ITGA9: variants seen among roughly 807,000 people sequenced by gnomAD.
ITGA9 encodes integrin alpha-9.
In ITGA9, 56 loss-of-function variants were observed where a neutral mutation model predicts 127.8. That is an observed-to-expected ratio of 0.44 (90% CI 0.35 to 0.55). ITGA9 has a LOEUF of 0.55. Ranked by LOEUF, ITGA9 falls within the 20% of genes least tolerant of loss-of-function variation. ITGA9 has a pLI of 0.00. For missense variants in ITGA9, 1,196 were observed against 1,347.1 expected, an observed-to-expected ratio of 0.89 and a Z score of 1.76; for synonymous variants, 508 against 514.5, an observed-to-expected ratio of 0.99 and a Z score of 0.17.
At chr3:37,670,579 A>G (rs993820562) in intron 17 of ITGA9, among the ~76,000 whole-genome samples, 3 of 152,236 alleles carry the variant, frequency 2.0e-5, no homozygotes, top group Non-Finnish European at 2.9e-5. Flanking sequence ...TCTGTCCCAA[A>G]TAGAAATCAC....
intron 18 of ITGA9, among the ~76,000 whole-genome samples, chr3:37,730,110 CAGAGTT>C (rs1696269244): frequency 6.6e-6 from 1 of 152,164 alleles, no homozygotes; most frequent in Admixed American, 6.5e-5. Context: ...AAACTGGAAA[CAGAGTT>C]AGGTAAGCAT....
intron 23 of ITGA9, 41 bp downstream of exon 23, chr3:37,750,610 A>G: frequency 4.3e-6 from 6 of 1,410,704 alleles, no homozygotes; most frequent in Non-Finnish European, 6.0e-6. Flanking sequence ...TTCAGCTTTG[A>G]GCCAGCCCAT....
In ITGA9 at chr3:37,546,278, A is replaced by T. The variant is rs547409315; in HGVS notation, c.1689+3693A>T. The stretch of plus-strand genomic sequence containing the variant: ...ACTCCATTCATGTGTTAGAAAGGGA[A>T]ATGATCAAGTTCTAGGGAAGGCTTA... On this transcript the variant is annotated intron_variant, in intron 15 of 27. Coordinates refer to ENST00000264741, the MANE Select transcript of ITGA9 (RefSeq NM_002207.3). 3.6e-4 allele frequency among the ~76,000 whole-genome samples: 55 copies of T among 152,292 alleles called. No individual in the cohort carries two copies. The Middle Eastern group carries it at 0.01, about 28-fold the overall frequency.
At chr3:37,818,218 G>T (rs902398547) in intron 27 of ITGA9, 3 of 62,382 alleles carry the variant, frequency 4.8e-5, no homozygotes, top group African/African-American at 1.4e-4. Flanking sequence ...AAAAAAAAAA[G>T]CCACACTTCC....
At chr3:37,576,812 G>T (rs1699658495) in intron 15 of ITGA9, among the ~76,000 whole-genome samples, 1 of 152,218 alleles carries the variant, frequency 6.6e-6, no homozygotes, top group Non-Finnish European at 1.5e-5. Flanking sequence ...TCGCCATGTT[G>T]CTCAGGCTGG....
intron 26 of ITGA9, among the ~76,000 whole-genome samples, chr3:37,793,399 C>T (rs11129772): frequency 0.071 from 9,173 of 130,106 alleles, 555 homozygotes; most frequent in African/African-American, 0.18. Context: ...AACACACACA[C>T]ACACACACAC....
chr3:37,497,069 T>C (rs191762167), intron 5 of ITGA9, among the ~76,000 whole-genome samples: 70 of 152,382 alleles, frequency 4.6e-4, no homozygotes, highest in Admixed American at 3.0e-3. Context: ...TAATGTCATT[T>C]AATATCCTTT....
At chr3:37,560,136 G>T (rs1417326359) in intron 15 of ITGA9, among the ~76,000 whole-genome samples, 1 of 150,854 alleles carries the variant, frequency 6.6e-6, no homozygotes, top group African/African-American at 2.4e-5. Flanking sequence ...GGTGTGTGAT[G>T]TTCCCTGCCC....
intron 3 of ITGA9, among the ~76,000 whole-genome samples, chr3:37,477,590 CCCCTT>C: frequency 6.6e-6 from 1 of 152,184 alleles, no homozygotes; most frequent in Non-Finnish European, 1.5e-5. Flanking sequence ...TAGAGGCAAG[CCCCTT>C]CCCTTCTCAC....
At chr3:37,544,101 C>G (rs1699302968) in intron 15 of ITGA9, among the ~76,000 whole-genome samples, 1 of 152,242 alleles carries the variant, frequency 6.6e-6, no homozygotes, top group Non-Finnish European at 1.5e-5. Flanking sequence ...CGGGCCTCTT[C>G]TTGCTAGGTC....
At chr3:37,506,799 T>C (rs1053551757) in intron 7 of ITGA9, among the ~76,000 whole-genome samples, 7 of 152,160 alleles carry the variant, frequency 4.6e-5, no homozygotes, top group Non-Finnish European at 7.4e-5. Context: ...GCTCCATAGG[T>C]TGTCTGATGG....
chr3:37,704,319 G>A (rs1433181258), intron 18 of ITGA9, among the ~76,000 whole-genome samples: 1 of 152,156 alleles, frequency 6.6e-6, no homozygotes, highest in African/African-American at 2.4e-5. Context: ...GAGCTTTCCT[G>A]AGGTGCCCGC....
intron 14 of ITGA9, 56 bp from the exon 15 acceptor site, chr3:37,542,369 G>T: frequency 6.3e-7 from 1 of 1,574,946 alleles, no homozygotes; most frequent in Non-Finnish European, 8.7e-7. Context: ...AAAAGAGGTG[G>T]CCTCATCACA....
In ITGA9 at chr3:37,691,905, C is replaced by T. The variant is rs994319514; in HGVS notation, c.2067+7890C>T. Reference sequence around the variant, plus strand: ...TGCTGGCTGGAATATTTGTACTTCACAGTGATTGCAAGAAGCAGCTAAACT... The same window carrying T: ...TGCTGGCTGGAATATTTGTACTTCATAGTGATTGCAAGAAGCAGCTAAACT... On this transcript the variant is annotated intron_variant, in intron 18 of 27. Coordinates refer to ENST00000264741, the MANE Select transcript of ITGA9 (RefSeq NM_002207.3). Among the ~76,000 whole-genome samples, 4 of 152,190 alleles carry T rather than the reference C, an allele frequency of 2.6e-5. No homozygotes were observed. In the East Asian group the frequency reaches 7.7e-4, roughly 29 times the overall value.
rs955455100 is a variant in ITGA9 at position 37,627,207 on chromosome 3, G to A, written c.1690-1980G>A. Among the ~76,000 whole-genome samples the A allele has an allele frequency of 3.9e-5, 6 of 152,166 alleles. No individual in the cohort carries two copies. In the East Asian group the frequency reaches 5.8e-4, roughly 15 times the overall value. On this transcript the variant is annotated intron_variant, in intron 15 of 27. Transcript: ENST00000264741. ...TGAATGATTGAATCTATTCCCAGCC[G>A]AATGTTTTCCTGAACACCAGTAAAA...
chr3:37,770,211 G>A (rs771208173), intron 23 of ITGA9, among the ~76,000 whole-genome samples: 1 of 152,190 alleles, frequency 6.6e-6, no homozygotes, highest in African/African-American at 2.4e-5. Flanking sequence ...ACACATGGGT[G>A]CCGTAAGGAT....
At chr3:37,636,305 CT>C (rs1251755643) in intron 16 of ITGA9, among the ~76,000 whole-genome samples, 1 of 152,128 alleles carries the variant, frequency 6.6e-6, no homozygotes. Context: ...TGTTTCCTGA[CT>C]TTTTAATGAT....
At chr3:37,640,690 T>C (rs1700323670) in intron 16 of ITGA9, among the ~76,000 whole-genome samples, 1 of 152,190 alleles carries the variant, frequency 6.6e-6, no homozygotes. Flanking sequence ...AGACACACAA[T>C]ACAGCCCACA....
chr3:37,752,148 C>T (rs1330786940), intron 23 of ITGA9, among the ~76,000 whole-genome samples: 1 of 152,230 alleles, frequency 6.6e-6, no homozygotes, highest in Non-Finnish European at 1.5e-5. Context: ...CGGCAAGGGC[C>T]TCCTGTGGCT....
Sources: allele counts gnomAD v4.1 joint callset (sites outside exome capture counted in the v4.1 genomes callset), GRCh38; gene constraint gnomAD v4.1.1; transcripts MANE v1.5; gene names NCBI Gene and HGNC (gene_info 2026-07-23, HGNC 2026-07-21).